ADGRB3: variants seen among roughly 807,000 people sequenced by gnomAD.
ADGRB3 encodes the protein brain-specific angiogenesis inhibitor 3.
In ADGRB3, 37 loss-of-function variants were observed where a neutral mutation model predicts 193.4. That is an observed-to-expected ratio of 0.19 (90% CI 0.15 to 0.25). ADGRB3 has a LOEUF of 0.25. ADGRB3 is among the 10% of genes least tolerant of loss of function. The pLI, the probability that ADGRB3 is intolerant of heterozygous loss-of-function variation, is 1.00. For missense variants in ADGRB3, 1,637 were observed against 1,852.9 expected (o/e 0.88, Z 2.14); for synonymous variants, 690 against 644.2 (o/e 1.07, Z -1.08).
intron 20 of ADGRB3, among the ~76,000 whole-genome samples, chr6:69,293,313 G>C (rs1437085727): frequency 1.3e-5 from 2 of 152,030 alleles, no homozygotes; most frequent in Non-Finnish European, 2.9e-5. Flanking sequence ...GGAGGGGAGG[G>C]TAGAGGTTCT....
chr6:68,838,827 T>G (rs574226087), intron 3 of ADGRB3, among the ~76,000 whole-genome samples: 2 of 152,316 alleles, frequency 1.3e-5, no homozygotes, highest in Non-Finnish European at 2.9e-5. Context: ...CATTTATTTG[T>G]TTTTCTTCTG....
At chr6:69,157,754 T>C (rs531726973) in intron 17 of ADGRB3, among the ~76,000 whole-genome samples, 35 of 152,056 alleles carry the variant, frequency 2.3e-4, no homozygotes, top group African/African-American at 8.2e-4. Context: ...CTCCATGATT[T>C]TGGATATTTT....
intron 3 of ADGRB3, among the ~76,000 whole-genome samples, chr6:68,786,744 C>A (rs1428721956): frequency 2.0e-5 from 3 of 151,072 alleles, no homozygotes; most frequent in Admixed American, 6.6e-5. Context: ...TTACCTTGGG[C>A]AGTATGGCCA....
At chr6:69,215,262 T>G (rs1227707544) in intron 17 of ADGRB3, among the ~76,000 whole-genome samples, 3 of 152,174 alleles carry the variant, frequency 2.0e-5, no homozygotes, top group Non-Finnish European at 4.4e-5. Context: ...TTAATTATAC[T>G]GAGGTTATGC....
intron 3 of ADGRB3, among the ~76,000 whole-genome samples, chr6:68,693,571 T>C (rs1263091446): frequency 6.6e-6 from 1 of 151,860 alleles, no homozygotes; most frequent in East Asian, 1.9e-4. Flanking sequence ...AGTGGGAAAA[T>C]TGTTAAAGTC....
At chr6:68,809,967 T>C (rs927531706) in intron 3 of ADGRB3, among the ~76,000 whole-genome samples, 1 of 152,226 alleles carries the variant, frequency 6.6e-6, no homozygotes, top group Non-Finnish European at 1.5e-5. Context: ...GCAAAAGTGC[T>C]CTAAGCTTTG....
chr6:69,012,770 A>G (rs748049514), intron 11 of ADGRB3, among the ~76,000 whole-genome samples: 13 of 152,116 alleles, frequency 8.5e-5, no homozygotes, highest in Non-Finnish European at 1.5e-4. Flanking sequence ...ACAAGAGAAG[A>G]GGAAATTAAG....
At chr6:68,897,555 GGAAA>G (rs1298376114) in intron 3 of ADGRB3, among the ~76,000 whole-genome samples, 1 of 69,356 alleles carries the variant, frequency 1.4e-5, no homozygotes, top group Non-Finnish European at 2.7e-5. Context: ...AAGGAAGGAA[GGAAA>G]GAAAGAGAAA....
chr6:69,181,162 T>A (rs555721078), intron 17 of ADGRB3, among the ~76,000 whole-genome samples: 116 of 152,298 alleles, frequency 7.6e-4, no homozygotes, highest in Non-Finnish European at 1.3e-3. Context: ...CCTCCTGAGA[T>A]GTGGGGTGTC....
chr6:69,025,787 A>T (rs539526112), intron 13 of ADGRB3, among the ~76,000 whole-genome samples: 1 of 152,348 alleles, frequency 6.6e-6, no homozygotes, highest in East Asian at 1.9e-4. Flanking sequence ...ATGCAGCTGT[A>T]GAGTTCTTTG....
At chr6:68,705,609 T>A (rs1765313695) in intron 3 of ADGRB3, among the ~76,000 whole-genome samples, 1 of 152,168 alleles carries the variant, frequency 6.6e-6, no homozygotes, top group Non-Finnish European at 1.5e-5. Context: ...AGGGTTTAAT[T>A]GAAGAGAGTT....
intron 20 of ADGRB3, among the ~76,000 whole-genome samples, chr6:69,256,583 T>G: frequency 6.6e-6 from 1 of 152,086 alleles, no homozygotes; most frequent in Non-Finnish European, 1.5e-5. Context: ...AAGTTGCTTA[T>G]CAGCTTAAGG....
At chr6:68,876,377 C>T (rs897031168) in intron 3 of ADGRB3, among the ~76,000 whole-genome samples, 22 of 152,112 alleles carry the variant, frequency 1.4e-4, no homozygotes, top group Non-Finnish European at 3.1e-4. Flanking sequence ...TTAAACTAAA[C>T]TCATAAGACC....
intron 16 of ADGRB3, among the ~76,000 whole-genome samples, chr6:69,063,388 G>A (rs1173529097): frequency 6.6e-6 from 1 of 152,042 alleles, no homozygotes; most frequent in Non-Finnish European, 1.5e-5. Flanking sequence ...TGGAGAAGAT[G>A]AGGTGAGTAA....
intron 4 of ADGRB3, among the ~76,000 whole-genome samples, chr6:68,933,413 G>A (rs1485091222): frequency 1.3e-5 from 2 of 152,120 alleles, no homozygotes; most frequent in Non-Finnish European, 2.9e-5. Context: ...CCATCATGGT[G>A]AAACCCCGTC....
intron 3 of ADGRB3, among the ~76,000 whole-genome samples, chr6:68,881,529 C>A (rs992272159): frequency 1.3e-5 from 2 of 152,112 alleles, no homozygotes; most frequent in East Asian, 3.9e-4. Context: ...CATTCTTTCT[C>A]TTCTTGTAGT....
At chr6:69,042,434 G>A (rs1771099758) in intron 13 of ADGRB3, among the ~76,000 whole-genome samples, 1 of 152,176 alleles carries the variant, frequency 6.6e-6, no homozygotes, top group Non-Finnish European at 1.5e-5. Flanking sequence ...TTCAATAGAT[G>A]TTAGCTATCC....
chr6:68,721,996 A>G lies in ADGRB3; in HGVS notation c.757+82564A>G, dbSNP rs180750004. Among the ~76,000 whole-genome samples, 194 of 151,614 alleles carry G rather than the reference A, an allele frequency of 1.3e-3. 1 individual carries two copies. Among genetic ancestry groups the G allele is most frequent in the African/African-American group, 4.5e-3 (186 of 41,434 alleles). On this transcript the variant is annotated intron_variant, in intron 3 of 31. Coordinates refer to ENST00000370598, the MANE Select transcript of ADGRB3 (RefSeq NM_001704.3). Reference sequence around the variant, plus strand: ...TGCATTTTATGAAACAATTTTCTTCATTCTTCTTATATATATATTCTACAG... The same window carrying G: ...TGCATTTTATGAAACAATTTTCTTCGTTCTTCTTATATATATATTCTACAG...
chr6:68,949,414 C>A (rs535916033), intron 6 of ADGRB3, among the ~76,000 whole-genome samples: 3 of 152,268 alleles, frequency 2.0e-5, no homozygotes, highest in African/African-American at 7.2e-5. Context: ...GAGAAAGAAT[C>A]ACCTAAGAGT....
Sources: allele counts gnomAD v4.1 joint callset (sites outside exome capture counted in the v4.1 genomes callset), GRCh38; gene constraint gnomAD v4.1.1; transcripts MANE v1.5; gene names NCBI Gene and HGNC (gene_info 2026-07-23, HGNC 2026-07-21).